CD99L2: variants seen among roughly 807,000 people sequenced by gnomAD.
CD99L2 encodes the protein CD99 molecule like 2.
A neutral mutation model predicts 27.3 loss-of-function variants in CD99L2; 24 were observed. The observed-to-expected ratio is 0.88, with a 90% confidence interval of 0.64 to 1.24. CD99L2 has a LOEUF of 1.24. CD99L2 is among the 50% of genes most tolerant of loss of function. The pLI is 0.00. For missense variants in CD99L2, 255 were observed against 221.6 expected (o/e 1.15, Z -0.96); for synonymous variants, 97 against 87.9 (o/e 1.10, Z -0.58).
At chrX:150,866,352 G>C (rs782158798) in intron 1 of CD99L2, among the ~76,000 whole-genome samples, 1 of 111,410 alleles carries the variant, frequency 9.0e-6, no homozygotes, top group Non-Finnish European at 1.9e-5. Flanking sequence ...TAATAACAGT[G>C]TATCAATACT....
At chrX:150,870,240 C>A (rs1363975085) in intron 1 of CD99L2, among the ~76,000 whole-genome samples, 2 of 106,845 alleles carry the variant, frequency 1.9e-5, no homozygotes, top group Non-Finnish European at 3.8e-5. Context: ...GCCTGGGCTT[C>A]CCTCCCAGGC....
At chrX:150,804,357 A>G (rs2045963226) in intron 4 of CD99L2, among the ~76,000 whole-genome samples, 1 of 112,608 alleles carries the variant, frequency 8.9e-6, no homozygotes, top group Non-Finnish European at 1.9e-5. Flanking sequence ...TTTTGAGACA[A>G]ATAAAAATAG....
chrX:150,790,375 C>T (rs1052999332), intron 7 of CD99L2, among the ~76,000 whole-genome samples: 1 of 109,830 alleles, frequency 9.1e-6, no homozygotes, highest in African/African-American at 3.3e-5. Context: ...AAGAACAAAA[C>T]ATCAACCAGG....
At chrX:150,855,327 C>T (rs1230701856) in intron 1 of CD99L2, among the ~76,000 whole-genome samples, 1 of 111,762 alleles carries the variant, frequency 8.9e-6, no homozygotes, top group African/African-American at 3.3e-5. Context: ...CCTGAGACTA[C>T]ATAATTTATG....
chrX:150,843,670 T>A (rs782711587), intron 1 of CD99L2, among the ~76,000 whole-genome samples: 9 of 108,185 alleles, frequency 8.3e-5, no homozygotes, highest in African/African-American at 3.0e-4. Context: ...ATAATAATAA[T>A]AAAATAAATA....
At chrX:150,769,663 C>T (rs782252636) in intron 10 of CD99L2, among the ~76,000 whole-genome samples, 1 of 107,739 alleles carries the variant, frequency 9.3e-6, no homozygotes, top group African/African-American at 3.5e-5. Context: ...CCTGAGCTGT[C>T]CTAGTCTCCC....
chrX:150,867,375 C>T (rs139119085), intron 1 of CD99L2, among the ~76,000 whole-genome samples: 1 of 111,288 alleles, frequency 9.0e-6, no homozygotes, highest in Non-Finnish European at 1.9e-5. Flanking sequence ...TCCCCTACTG[C>T]GCTCCAGCTT....
At chrX:150,793,285 C>G (rs2045724928) in intron 7 of CD99L2, among the ~76,000 whole-genome samples, 2 of 112,367 alleles carry the variant, frequency 1.8e-5, no homozygotes, top group African/African-American at 3.2e-5. Flanking sequence ...ATCTGACTTG[C>G]TATGGGTCTC....
At chrX:150,780,060 C>T (rs1484861057) in intron 7 of CD99L2, among the ~76,000 whole-genome samples, 1 of 111,328 alleles carries the variant, frequency 9.0e-6, no homozygotes, top group Non-Finnish European at 1.9e-5. Flanking sequence ...CCCTTCAGCT[C>T]AATAATAAAA....
At chrX:150,893,432 C>T (rs1013756494) in intron 1 of CD99L2, among the ~76,000 whole-genome samples, 2 of 108,987 alleles carry the variant, frequency 1.8e-5, no homozygotes, top group Non-Finnish European at 3.8e-5. Context: ...GCCCAATACC[C>T]CAAGTCAGCC....
At chrX:150,885,291 G>A (rs1557422590) in intron 1 of CD99L2, among the ~76,000 whole-genome samples, 1 of 110,966 alleles carries the variant, frequency 9.0e-6, no homozygotes, top group African/African-American at 3.3e-5. Context: ...ATATATGGCT[G>A]AGACAGGAAT....
chrX:150,770,416 G>A (rs185349630), intron 9 of CD99L2, 47 bp from the exon 10 acceptor site: 4 of 1,133,456 alleles, frequency 3.5e-6, no homozygotes, highest in Non-Finnish European at 2.4e-6. Context: ...AGGACCTAAG[G>A]GTCCCCAATC....
intron 7 of CD99L2, among the ~76,000 whole-genome samples, chrX:150,784,016 C>T (rs1359779293): frequency 2.7e-5 from 3 of 111,565 alleles, no homozygotes; most frequent in African/African-American, 9.8e-5. Context: ...GAAAGGTCTG[C>T]AGATAACGAA....
At chrX:150,831,090 T>G in intron 2 of CD99L2, 141 bp downstream of exon 2, 8 of 490,939 alleles carry the variant, frequency 1.6e-5, no homozygotes, top group Non-Finnish European at 2.6e-5. Context: ...ATTACAGGCG[T>G]GAGCTACCGT....
intron 4 of CD99L2, among the ~76,000 whole-genome samples, chrX:150,804,323 A>T (rs1283750511): frequency 8.9e-6 from 1 of 112,758 alleles, no homozygotes; most frequent in African/African-American, 3.2e-5. Context: ...TCAAAGAAGA[A>T]ATCAAAAGGG....
At chrX:150,824,392 A>AGAG (rs2046312707) in intron 2 of CD99L2, among the ~76,000 whole-genome samples, 1 of 103,372 alleles carries the variant, frequency 9.7e-6, no homozygotes, top group African/African-American at 3.6e-5. Flanking sequence ...AAGAAGAAGA[A>AGAG]GAAGAAGAAA....
chrX:150,865,083 T>A (rs2047039298), intron 1 of CD99L2, among the ~76,000 whole-genome samples: 1 of 106,851 alleles, frequency 9.4e-6, no homozygotes, highest in South Asian at 4.1e-4. Context: ...AAAAAAAAAA[T>A]TAAATTTTAC....
chrX:150,861,392 T>A (rs180978101), intron 1 of CD99L2, among the ~76,000 whole-genome samples: 33 of 111,361 alleles, frequency 3.0e-4, no homozygotes, highest in African/African-American at 9.8e-4. Flanking sequence ...CAAAACAGCA[T>A]GGTATTGGTG....
At chrX:150,861,435 T>C (rs1475233140) in intron 1 of CD99L2, among the ~76,000 whole-genome samples, 4 of 111,640 alleles carry the variant, frequency 3.6e-5, no homozygotes, top group Non-Finnish European at 7.5e-5. Flanking sequence ...TGGAACAGAA[T>C]AGATACACAG....
Sources: gnomAD v4.1 joint callset for allele counts (sites outside exome capture counted in the v4.1 genomes callset) on GRCh38, gnomAD v4.1.1 for gene constraint, MANE v1.5 for transcripts, NCBI Gene and HGNC (gene_info 2026-07-23, HGNC 2026-07-21) for gene names.